NOS1AP: variants seen among roughly 807,000 people sequenced by gnomAD.
NOS1AP encodes the protein nitric oxide synthase 1 adaptor protein.
In NOS1AP, 21 loss-of-function variants were observed where a neutral mutation model predicts 56.2. The observed-to-expected ratio is 0.37, with a 90% CI of 0.26 to 0.54. NOS1AP has a LOEUF of 0.54. NOS1AP is among the 20% of genes least tolerant of loss of function. The pLI, the probability that NOS1AP is intolerant of heterozygous loss-of-function variation, is 0.84. For missense variants in NOS1AP, 522 were observed against 657.8 expected, an observed-to-expected ratio of 0.79 and a Z score of 2.26; for synonymous variants, 270 against 274.6, an observed-to-expected ratio of 0.98 and a Z score of 0.17.
Position 162,123,709 on chromosome 1 carries a change from G to A in NOS1AP, c.106-30696G>A, listed in dbSNP as rs1648348054. On this transcript the variant is annotated intron_variant, in intron 1 of 9. Transcript: ENST00000361897. ...CAGAGGAAAATTACAAAAATAGGAT[G>A]AAGGACTCCAATTTACCCTTCACCC... Among the ~76,000 whole-genome samples the A allele has an allele frequency of 1.3e-5, 2 of 152,056 alleles. 1 individual carries two copies. The highest frequency in any genetic ancestry group is 1.3e-4 in the Admixed American group (2 of 15,274).
chr1:162,255,832 G>A (rs1341300607), intron 2 of NOS1AP, among the ~76,000 whole-genome samples: 2 of 152,180 alleles, frequency 1.3e-5, no homozygotes, highest in Admixed American at 1.3e-4. Flanking sequence ...TTATGGGTAG[G>A]AATGAGGGAA....
rs58625856 is a variant in NOS1AP at position 162,199,595 on chromosome 1, CGTGTGTGTGTGTGTGT to C, written c.177+45150_177+45165del. On this transcript the variant is annotated intron_variant, in intron 2 of 9. Transcript: ENST00000361897. The stretch of plus-strand genomic sequence containing the variant: ...ATTCTGGACAACAGAGCATGGATTG[CGTGTGTGTGTGTGTGT>C]GTGTGTGTGTGTGTGTGTGTGTGTG... Among the ~76,000 whole-genome samples, 48 of 131,700 alleles carry C rather than the reference CGTGTGTGTGTGTGTGT, an allele frequency of 3.6e-4. No homozygotes were observed. In the South Asian group the frequency reaches 6.0e-3, roughly 16 times the overall value. The allele number at this position is 131,700 out of a possible 152,430, so 86.4% of individuals were successfully genotyped here.
At position 162,125,130 on chromosome 1, in the gene NOS1AP, C is replaced by CTTTTTTTTTTTTTTT. The variant is rs56264198; in HGVS notation, c.106-29268_106-29254dup. Reference sequence around the variant, plus strand: ...ATGCCAACATCTATTGTTTCTGACTCTTTTTTTTTTTTTTTTTTTTTAAGA... The same window carrying CTTTTTTTTTTTTTTT: ...ATGCCAACATCTATTGTTTCTGACTCTTTTTTTTTTTTTTTTTTTTTTTTTTTTTTTTTTTTAAGA... On this transcript the variant is annotated intron_variant, in intron 1 of 9. Coordinates refer to ENST00000361897, the MANE Select transcript of NOS1AP (RefSeq NM_014697.3). 1.2e-4 allele frequency among the ~76,000 whole-genome samples: 15 copies of CTTTTTTTTTTTTTTT among 124,136 alleles called. 1 individual carries two copies. The highest frequency in any genetic ancestry group is 4.5e-4 in the African/African-American group (14 of 30,952). The allele number at this position is 124,136 out of a possible 152,430, so 81.4% of individuals were successfully genotyped here.
intron 2 of NOS1AP, among the ~76,000 whole-genome samples, chr1:162,217,504 A>G (rs1263898165): frequency 6.6e-6 from 1 of 151,866 alleles, no homozygotes; most frequent in Non-Finnish European, 1.5e-5. Flanking sequence ...GCCTCAAGTG[A>G]TCCACCTGCC....
At chr1:162,308,909 C>G (rs568610403) in intron 4 of NOS1AP, among the ~76,000 whole-genome samples, 1 of 152,128 alleles carries the variant, frequency 6.6e-6, no homozygotes, top group African/African-American at 2.4e-5. Flanking sequence ...AGAAATTAAG[C>G]TTCAGTGATA....
At chr1:162,359,032 C>G (rs1657799589) in intron 8 of NOS1AP, among the ~76,000 whole-genome samples, 1 of 152,168 alleles carries the variant, frequency 6.6e-6, no homozygotes, top group African/African-American at 2.4e-5. Flanking sequence ...AATTGTCAGT[C>G]TCCATGGGAA....
rs140330272 is a variant in NOS1AP, at chr1:162,094,797, C to T, written c.105+24515C>T. On this transcript the variant is annotated intron_variant, in intron 1 of 9. Transcript: ENST00000361897. The stretch of plus-strand genomic sequence containing the variant: ...TGTCCTGTTAATGGTCCTTCCAAAC[C>T]ATGGTCCAGTTGTTGAAGAGTGGGT... Among the ~76,000 whole-genome samples the T allele has an allele frequency of 7.4e-3, 1,124 of 152,272 alleles. 8 individuals carry two copies. The highest frequency in any genetic ancestry group is 0.01 in the Middle Eastern group (3 of 294).
chr1:162,230,569 T>C (rs1401835551), intron 2 of NOS1AP, among the ~76,000 whole-genome samples: 1 of 152,228 alleles, frequency 6.6e-6, no homozygotes, highest in Non-Finnish European at 1.5e-5. Context: ...CAAGGTACAG[T>C]TCAGTAGTTG....
chr1:162,185,817 C>A (rs111352999), intron 2 of NOS1AP, among the ~76,000 whole-genome samples: 187 of 152,252 alleles, frequency 1.2e-3, no homozygotes, highest in African/African-American at 4.3e-3. Flanking sequence ...AAACAAAACC[C>A]TATGCATGCA....
intron 4 of NOS1AP, among the ~76,000 whole-genome samples, chr1:162,331,876 G>A (rs1273277204): frequency 2.0e-5 from 3 of 152,152 alleles, no homozygotes; most frequent in Non-Finnish European, 2.9e-5. Flanking sequence ...AGCCTCTAGG[G>A]CCTTGCTTAT....
intron 8 of NOS1AP, chr1:162,363,446 C>T (rs1657968318): frequency 6.6e-6 from 1 of 152,636 alleles, no homozygotes; most frequent in Admixed American, 6.5e-5. Flanking sequence ...CGGCAGCTCC[C>T]CACACCCAGT....
At chr1:162,080,946 A>G (rs2102014229) in intron 1 of NOS1AP, among the ~76,000 whole-genome samples, 1 of 152,354 alleles carries the variant, frequency 6.6e-6, no homozygotes, top group South Asian at 2.1e-4. Context: ...AAGCCAAGGC[A>G]TAGAGAGGCA....
chr1:162,101,574 A>T (rs1172235506), intron 1 of NOS1AP, among the ~76,000 whole-genome samples: 2 of 152,174 alleles, frequency 1.3e-5, no homozygotes. Flanking sequence ...ATCCATGAGG[A>T]TGGAATGTTT....
chr1:162,209,878 T>C (rs1249826433), intron 2 of NOS1AP, among the ~76,000 whole-genome samples: 1 of 152,064 alleles, frequency 6.6e-6, no homozygotes, highest in Non-Finnish European at 1.5e-5. Context: ...ATCAGTGTTG[T>C]TGGAAGATGA....
chr1:162,343,775 C>A, intron 5 of NOS1AP, 60 bp from the exon 6 acceptor site: 3 of 1,594,532 alleles, frequency 1.9e-6, no homozygotes, highest in Non-Finnish European at 2.6e-6. Flanking sequence ...TCATGAGTTT[C>A]TATCCACATG....
At chr1:162,152,868 A>G (rs894854398) in intron 1 of NOS1AP, among the ~76,000 whole-genome samples, 5 of 152,154 alleles carry the variant, frequency 3.3e-5, no homozygotes, top group Admixed American at 6.5e-5. Flanking sequence ...CAGATGTCGC[A>G]GTCTTATCTT....
chr1:162,264,336 C>T (rs548786124), intron 2 of NOS1AP, among the ~76,000 whole-genome samples: 61 of 152,168 alleles, frequency 4.0e-4, no homozygotes, highest in African/African-American at 1.4e-3. Context: ...GTAATCCCTC[C>T]AGCCCAAGGC....
intron 4 of NOS1AP, among the ~76,000 whole-genome samples, chr1:162,314,199 CA>C (rs1332502195): frequency 8.5e-5 from 13 of 152,318 alleles, no homozygotes; most frequent in Non-Finnish European, 1.3e-4. Context: ...GCCCCCAGGG[CA>C]GGGAGCTCAT....
chr1:162,274,834 A>G (rs1654688134), intron 2 of NOS1AP, among the ~76,000 whole-genome samples: 2 of 152,196 alleles, frequency 1.3e-5, no homozygotes, highest in Non-Finnish European at 1.5e-5. Flanking sequence ...GTTTCTTTAC[A>G]TGTGTTTATT....
Sources: allele counts gnomAD v4.1 joint callset (sites outside exome capture counted in the v4.1 genomes callset), GRCh38; gene constraint gnomAD v4.1.1; transcripts MANE v1.5; gene names NCBI Gene and HGNC (gene_info 2026-07-23, HGNC 2026-07-21).